Variants in CLYBL observed in about 807,000 individuals in gnomAD.
CLYBL encodes the protein citramalyl-CoA lyase, also known as citramalyl-CoA lyase, mitochondrial.
A neutral mutation model predicts 38.9 loss-of-function variants in CLYBL; 31 were observed. The ratio of observed to expected loss-of-function variants is 0.80; its 90% confidence interval spans 0.60 to 1.08. The LOEUF (loss-of-function observed/expected upper bound fraction) is 1.08. Among genes scored for constraint, CLYBL ranks in the 50% least tolerant of loss-of-function variants. CLYBL has a pLI of 0.00. For synonymous variants in CLYBL, 171 were observed against 158.6 expected, an observed-to-expected ratio of 1.08 and a Z score of -0.59; for missense variants, 434 against 411.6, an observed-to-expected ratio of 1.05 and a Z score of -0.47.
intron 1 of CLYBL, among the ~76,000 whole-genome samples, chr13:99,671,792 A>AAAT (rs1555350681): frequency 9.9e-4 from 138 of 139,146 alleles, no homozygotes; most frequent in South Asian, 4.8e-3. Flanking sequence ...AAAAAAAAAA[A>AAAT]AAATAATAAA....
intron 1 of CLYBL, among the ~76,000 whole-genome samples, chr13:99,629,018 A>G (rs1233989849): frequency 1.3e-5 from 2 of 152,208 alleles, no homozygotes; most frequent in African/African-American, 2.4e-5. Context: ...ACTGCCGCCC[A>G]GTTCCTGCTG....
intron 6 of CLYBL, 105 bp downstream of exon 6, chr13:99,866,512 T>C: frequency 1.1e-6 from 1 of 885,542 alleles, no homozygotes. Flanking sequence ...TCTCCCATAC[T>C]TACTCCACTA....
intron 1 of CLYBL, among the ~76,000 whole-genome samples, chr13:99,739,462 C>T (rs900272464): frequency 6.6e-6 from 1 of 152,182 alleles, no homozygotes; most frequent in African/African-American, 2.4e-5. Context: ...TGCCTTTCTG[C>T]CTCTGGAATC....
chr13:99,843,390 G>C (rs1297695929), intron 2 of CLYBL, among the ~76,000 whole-genome samples: 1 of 152,128 alleles, frequency 6.6e-6, no homozygotes, highest in South Asian at 2.1e-4. Flanking sequence ...TATCCCATTA[G>C]TTAATTCTGC....
chr13:99,684,835 T>G (rs1042648771), intron 1 of CLYBL, among the ~76,000 whole-genome samples: 2 of 152,244 alleles, frequency 1.3e-5, no homozygotes, highest in African/African-American at 2.4e-5. Context: ...AACCAAAGGT[T>G]ACTGTATTGT....
At chr13:99,657,121 G>C (rs561607983) in intron 1 of CLYBL, among the ~76,000 whole-genome samples, 1 of 152,334 alleles carries the variant, frequency 6.6e-6, no homozygotes, top group Non-Finnish European at 1.5e-5. Context: ...GCACTTCTTA[G>C]CTGAGATAAC....
chr13:99,903,127 C>T (rs1003408580), intron 8 of CLYBL, among the ~76,000 whole-genome samples: 1 of 152,180 alleles, frequency 6.6e-6, no homozygotes, highest in African/African-American at 2.4e-5. Context: ...GCAGGAGCCT[C>T]GATTTCATAA....
At chr13:99,793,402 G>A (rs1157619070) in intron 2 of CLYBL, among the ~76,000 whole-genome samples, 2 of 152,106 alleles carry the variant, frequency 1.3e-5, no homozygotes, top group African/African-American at 2.4e-5. Context: ...AGTCTTTCTG[G>A]AACAGTGTGG....
intron 1 of CLYBL, among the ~76,000 whole-genome samples, chr13:99,687,827 G>A (rs919783079): frequency 1.2e-4 from 18 of 152,088 alleles, no homozygotes; most frequent in Admixed American, 4.6e-4. Context: ...TCTCTCCTGC[G>A]GGTGCCTGAG....
intron 1 of CLYBL, among the ~76,000 whole-genome samples, chr13:99,757,440 C>T (rs1421917359): frequency 2.6e-5 from 4 of 152,020 alleles, no homozygotes. Flanking sequence ...ACCTTGGCCA[C>T]TTTTATTTTA....
chr13:99,810,088 T>C (rs755504084), intron 2 of CLYBL, among the ~76,000 whole-genome samples: 31 of 152,262 alleles, frequency 2.0e-4, no homozygotes, highest in Non-Finnish European at 3.7e-4. Flanking sequence ...ACTAGCTAGA[T>C]AAATGATTAA....
At chr13:99,889,728 G>A (rs1248832096) in intron 7 of CLYBL, among the ~76,000 whole-genome samples, 1 of 152,054 alleles carries the variant, frequency 6.6e-6, no homozygotes, top group Non-Finnish European at 1.5e-5. Flanking sequence ...TCATTGCTAA[G>A]GATTCCCCCC....
chr13:99,813,355 A>G (rs777117251), intron 2 of CLYBL, among the ~76,000 whole-genome samples: 4 of 152,200 alleles, frequency 2.6e-5, no homozygotes, highest in Admixed American at 1.3e-4. Context: ...CCGTCTTCAC[A>G]TGTCAGGGGT....
intron 2 of CLYBL, among the ~76,000 whole-genome samples, chr13:99,795,270 G>T (rs1036648135): frequency 6.6e-6 from 1 of 152,208 alleles, no homozygotes. Flanking sequence ...AAAGTTAACA[G>T]TTGGGCCCTG....
At chr13:99,718,818 GTCAC>G (rs561278884) in intron 1 of CLYBL, among the ~76,000 whole-genome samples, 46 of 151,854 alleles carry the variant, frequency 3.0e-4, no homozygotes, top group African/African-American at 1.0e-3. Flanking sequence ...AATTAATTCA[GTCAC>G]TCACTCAGCA....
At chr13:99,777,192 G>A (rs1162781161) in intron 2 of CLYBL, among the ~76,000 whole-genome samples, 1 of 151,864 alleles carries the variant, frequency 6.6e-6, no homozygotes, top group Non-Finnish European at 1.5e-5. Context: ...AACCCAGTTC[G>A]TGAATTATAC....
At chr13:99,859,864 G>A (rs1171504773) in intron 3 of CLYBL, among the ~76,000 whole-genome samples, 1 of 152,112 alleles carries the variant, frequency 6.6e-6, no homozygotes, top group Non-Finnish European at 1.5e-5. Context: ...GACAGAAAAT[G>A]TGTCATTCTG....
chr13:99,683,466 T>TA (rs1484969115), intron 1 of CLYBL, among the ~76,000 whole-genome samples: 3 of 152,230 alleles, frequency 2.0e-5, no homozygotes, highest in Non-Finnish European at 4.4e-5. Context: ...ATATTTCCTT[T>TA]ATCTCTTATT....
chr13:99,721,694 T>G (rs373307560), intron 1 of CLYBL, among the ~76,000 whole-genome samples: 47 of 150,344 alleles, frequency 3.1e-4, no homozygotes, highest in African/African-American at 9.3e-4. Context: ...TGTGTCACTT[T>G]AATAGCTCTA....
Sources: gnomAD v4.1 joint callset for allele counts (sites outside exome capture counted in the v4.1 genomes callset) on GRCh38, gnomAD v4.1.1 for gene constraint, MANE v1.5 for transcripts, NCBI Gene and HGNC (gene_info 2026-07-23, HGNC 2026-07-21) for gene names.